TENM2: variants seen among roughly 807,000 people sequenced by gnomAD.
TENM2 encodes the protein teneurin-2.
Under a neutral mutation model 245.2 loss-of-function variants are expected in TENM2, and 52 were observed. The observed-to-expected ratio is 0.21, with a 90% confidence interval of 0.17 to 0.27. The LOEUF (loss-of-function observed/expected upper bound fraction) is 0.27, where lower values mean the gene tolerates loss of function less well. TENM2 is among the 10% of genes least tolerant of loss of function. The pLI is 1.00. For synonymous variants in TENM2, 1,363 were observed against 1,438.9 expected, an observed-to-expected ratio of 0.95 and a Z score of 1.19; for missense variants, 3,046 against 3,666.8, an observed-to-expected ratio of 0.83 and a Z score of 4.37.
At chr5:167,869,671 G>T (rs1198764154) in intron 2 of TENM2, among the ~76,000 whole-genome samples, 1 of 152,202 alleles carries the variant, frequency 6.6e-6, no homozygotes, top group Non-Finnish European at 1.5e-5. Context: ...AGGCCTGGCT[G>T]CCATGACCCA....
intron 2 of TENM2, among the ~76,000 whole-genome samples, chr5:167,838,798 A>G (rs191773673): frequency 7.2e-5 from 11 of 152,298 alleles, no homozygotes; most frequent in African/African-American, 1.7e-4. Flanking sequence ...AAGCAAAATT[A>G]TAGATCGGGG....
chr5:167,750,256 G>A (rs1010420864), intron 2 of TENM2, among the ~76,000 whole-genome samples: 13 of 152,108 alleles, frequency 8.5e-5, no homozygotes, highest in Admixed American at 5.9e-4. Context: ...CTTGCCCTAC[G>A]CTGTTACGGG....
intron 2 of TENM2, among the ~76,000 whole-genome samples, chr5:167,383,770 T>A (rs1254864219): frequency 1.3e-5 from 2 of 151,670 alleles, no homozygotes; most frequent in Non-Finnish European, 2.9e-5. Flanking sequence ...AAATGTACCT[T>A]CATTTTCCCT....
chr5:167,463,275 A>G (rs1215774637), intron 2 of TENM2, among the ~76,000 whole-genome samples: 3 of 152,174 alleles, frequency 2.0e-5, no homozygotes, highest in African/African-American at 7.2e-5. Flanking sequence ...GACTAGTCTA[A>G]TGTCATAAAG....
the TENM2 span, among the ~76,000 whole-genome samples, chr5:167,027,646 A>G: frequency 2.6e-5 from 4 of 152,234 alleles, no homozygotes; most frequent in Non-Finnish European, 5.9e-5. Flanking sequence ...TTTCCTGATT[A>G]TAATGCAAGA....
chr5:168,047,701 A>T (rs901731007), intron 6 of TENM2, among the ~76,000 whole-genome samples, 152 bp downstream of exon 8: 4 of 152,210 alleles, frequency 2.6e-5, no homozygotes, highest in Non-Finnish European at 5.9e-5. Flanking sequence ...AGGTGCCCCC[A>T]TTAAAAGCTG....
intron 2 of TENM2, among the ~76,000 whole-genome samples, chr5:167,426,195 T>G (rs1763811867): frequency 6.6e-6 from 1 of 152,218 alleles, no homozygotes; most frequent in African/African-American, 2.4e-5. Context: ...TTTAAAAGTT[T>G]TTTAAATGCA....
rs1157018201 is a variant in TENM2, at chr5:168,034,049, GTA to G, written c.1187-13364_1187-13363del. Among the ~76,000 whole-genome samples, 72 of 124,040 alleles carry G rather than the reference GTA, an allele frequency of 5.8e-4. 1 individual carries two copies. The highest frequency in any genetic ancestry group is 1.0e-3 in the South Asian group (4 of 3,892). The allele number at this position is 124,040 out of a possible 152,430, so 81.4% of individuals were successfully genotyped here. A position where few individuals can be genotyped will look rare whatever the true frequency, so the allele number is the denominator to read the frequency against. On this transcript the variant is annotated intron_variant, in intron 5 of 28. Coordinates refer to ENST00000518659, the Ensembl canonical transcript of TENM2. ...CTCAAATATATATATATATGTGTGT[GTA>G]TATATATATATATGTGTATATATAT...
At chr5:167,165,118 G>A in the TENM2 span, 1 of 152,216 alleles carries the variant, frequency 6.6e-6, no homozygotes, top group Non-Finnish European at 1.5e-5. Flanking sequence ...ATAATGGAGA[G>A]TTGTATTAGT....
intron 2 of TENM2, among the ~76,000 whole-genome samples, chr5:167,786,996 T>A (rs1764623041): frequency 6.6e-6 from 1 of 152,262 alleles, no homozygotes; most frequent in South Asian, 2.1e-4. Flanking sequence ...TTGCTAGGTA[T>A]TAAGCACTTA....
intron 24 of TENM2, among the ~76,000 whole-genome samples, chr5:168,227,606 T>C (rs532613462): frequency 6.6e-6 from 1 of 151,860 alleles, no homozygotes; most frequent in African/African-American, 2.4e-5. Context: ...GCAATAGACA[T>C]CTTTAAATGT....
Position 167,815,931 on chromosome 5 carries a change from G to A in TENM2, c.503-60055G>A, listed in dbSNP as rs190401826. Among the ~76,000 whole-genome samples the A allele has an allele frequency of 5.6e-4, 85 of 151,748 alleles. 1 individual carries two copies. Among genetic ancestry groups the A allele is most frequent in the Admixed American group, 4.9e-3 (74 of 15,222 alleles). On this transcript the variant is annotated intron_variant, in intron 2 of 28. Transcript: ENST00000518659. The stretch of plus-strand genomic sequence containing the variant: ...TTTTTTGTTCCCTCCATAGTATGAG[G>A]GGTTTGACCTAAAGGATCACTTAAG...
At chr5:168,062,900 G>C (rs574363387) in intron 7 of TENM2, among the ~76,000 whole-genome samples, 1 of 152,256 alleles carries the variant, frequency 6.6e-6, no homozygotes, top group South Asian at 2.1e-4. Context: ...GTTTTTGGGG[G>C]GTAGTGATAG....
At position 167,872,552 on chromosome 5, in the gene TENM2, A is replaced by G. The variant is rs867225656; in HGVS notation, c.503-3434A>G. ...AGAAAGAAAGAAAGAAAGAAAGAGAAAGAAAGAAAGAAAGAAAGAAAGAAA... is the reference window on the plus strand; with the variant it reads ...AGAAAGAAAGAAAGAAAGAAAGAGAGAGAAAGAAAGAAAGAAAGAAAGAAA... On this transcript the variant is annotated intron_variant, in intron 2 of 28. Coordinates refer to ENST00000518659, the Ensembl canonical transcript of TENM2. Among the ~76,000 whole-genome samples, 428 of 48,090 alleles carry G rather than the reference A, an allele frequency of 8.9e-3. 3 individuals carry two copies. The highest frequency in any genetic ancestry group is 0.021 in the African/African-American group (379 of 17,746). The allele number at this position is 48,090 out of a possible 152,430, so 31.5% of individuals were successfully genotyped here.
intron 4 of TENM2, among the ~76,000 whole-genome samples, chr5:167,988,728 A>G (rs1432252840): frequency 6.6e-6 from 1 of 152,244 alleles, no homozygotes; most frequent in African/African-American, 2.4e-5. Context: ...GTTGAAGGCC[A>G]TGAGAAAGAC....
At chr5:167,146,913 GTAT>G in the TENM2 span, among the ~76,000 whole-genome samples, 1 of 151,986 alleles carries the variant, frequency 6.6e-6, no homozygotes, top group Non-Finnish European at 1.5e-5. Flanking sequence ...AAAATATAGA[GTAT>G]TATTTTTAGG....
chr5:167,708,973 G>A (rs1157203524), intron 2 of TENM2, among the ~76,000 whole-genome samples: 3 of 152,170 alleles, frequency 2.0e-5, no homozygotes, highest in East Asian at 1.9e-4. Flanking sequence ...TGAAATGGGC[G>A]AGTCTAGCAC....
At chr5:167,462,948 C>A (rs921273549) in intron 2 of TENM2, among the ~76,000 whole-genome samples, 15 of 151,912 alleles carry the variant, frequency 9.9e-5, no homozygotes, top group South Asian at 2.1e-4. Flanking sequence ...AAGTAAATGA[C>A]AAATGCAATG....
chr5:167,849,144 G>C (rs1770328313), intron 2 of TENM2, among the ~76,000 whole-genome samples: 1 of 152,120 alleles, frequency 6.6e-6, no homozygotes, highest in South Asian at 2.1e-4. Context: ...GCCTTTTCCA[G>C]CTTTTATAAG....
Sources: allele counts gnomAD v4.1 joint callset (sites outside exome capture counted in the v4.1 genomes callset), GRCh38; gene constraint gnomAD v4.1.1; transcripts MANE v1.5; gene names NCBI Gene and HGNC (gene_info 2026-07-23, HGNC 2026-07-21).